Variants in MIA2 observed in about 807,000 individuals in gnomAD.
MIA2 encodes the protein MIA SH3 domain ER export factor 2, also known as melanoma inhibitory activity protein 2.
In MIA2, 127 loss-of-function variants were observed where a neutral mutation model predicts 167.8. The ratio of observed to expected loss-of-function variants is 0.76; its 90% CI spans 0.66 to 0.88. The LOEUF is 0.88. MIA2 is among the 40% of genes least tolerant of loss of function. MIA2 has a pLI of 0.00. For synonymous variants in MIA2, 552 were observed against 541.9 expected (o/e 1.02, Z -0.26); for missense variants, 1,690 against 1,624.7 (o/e 1.04, Z -0.69).
intron 6 of MIA2, among the ~76,000 whole-genome samples, chr14:39,261,870 T>A (rs891019153): frequency 8.5e-5 from 13 of 152,160 alleles, no homozygotes; most frequent in African/African-American, 2.9e-4. Context: ...GTTTGAGTTC[T>A]TTGTAGACTC....
intron 6 of MIA2, among the ~76,000 whole-genome samples, chr14:39,258,912 G>C (rs1005959803): frequency 2.6e-5 from 4 of 152,330 alleles, no homozygotes; most frequent in East Asian, 3.9e-4. Context: ...ACCAGTGGAG[G>C]CTGCACAACA....
chr14:39,278,733 TA>T (rs1246924709), intron 7 of MIA2, among the ~76,000 whole-genome samples: 1 of 152,188 alleles, frequency 6.6e-6, no homozygotes, highest in Non-Finnish European at 1.5e-5. Context: ...TTCTTGAAAT[TA>T]TTTTTTTAGG....
In MIA2 at chr14:39,347,886, A is replaced by G. The variant is rs149872453; in HGVS notation, c.3837+115A>G. 8.0e-4 allele frequency: 774 copies of G among 962,446 alleles called. 5 individuals are homozygous for G. The African/African-American group carries it at 0.014, about 18-fold the overall frequency. 59.6% of individuals were successfully genotyped at this position (962,446 alleles called of 1,614,324 possible). The stretch of plus-strand genomic sequence containing the variant: ...GCCCAAGCTGGAGTGCAGTGGCGCT[A>G]TCTCGGCTCACTGCAACCTGGGTTC... On this transcript the variant is annotated intron_variant, in intron 27 of 28. Coordinates refer to ENST00000640607, the MANE Select transcript of MIA2 (RefSeq NM_001329214.4).
chr14:39,343,567 A>G (rs777478482), intron 25 of MIA2, among the ~76,000 whole-genome samples: 1 of 152,216 alleles, frequency 6.6e-6, no homozygotes, highest in Admixed American at 6.5e-5. Flanking sequence ...TAGAATGCCC[A>G]GTACACTTAT....
chr14:39,368,201 G>C (rs765151058), intron 23 of MIA2, among the ~76,000 whole-genome samples: 2 of 152,146 alleles, frequency 1.3e-5, no homozygotes, highest in African/African-American at 2.4e-5. Flanking sequence ...ATTAAGGGGC[G>C]AGAGAGCAAA....
intron 12 of MIA2, 123 bp from the exon 13 acceptor site, chr14:39,294,802 C>CGT: frequency 1.4e-6 from 1 of 694,408 alleles, no homozygotes; most frequent in African/African-American, 1.8e-5. Context: ...CACCATGCTG[C>CGT]CTCTGCTGTT....
chr14:39,310,776 T>G (rs2064107367), intron 18 of MIA2, among the ~76,000 whole-genome samples: 1 of 152,216 alleles, frequency 6.6e-6, no homozygotes, highest in East Asian at 1.9e-4. Context: ...TGTACTTCAG[T>G]CATGATTTGG....
chr14:39,253,013 A>T lies in MIA2; in HGVS notation c.1786+47A>T, dbSNP rs78417461. The T allele has an allele frequency of 9.4e-5, 146 of 1,561,016 alleles. 1 individual carries two copies. The African/African-American group carries it at 1.8e-3, about 19-fold the overall frequency. On this transcript the variant is annotated intron_variant, in intron 5 of 28. Transcript: ENST00000640607. ...CTCTAATGCATCAATTAAGGAAGAA[A>T]TTAGAATCAGAAGTTATATAATATC...
intron 6 of MIA2, among the ~76,000 whole-genome samples, chr14:39,268,437 T>C (rs964826552): frequency 6.8e-6 from 1 of 148,054 alleles, no homozygotes; most frequent in Non-Finnish European, 1.5e-5. Flanking sequence ...TCATGTTGTC[T>C]GTTAAGAGAG....
chr14:39,314,629 T>TTC (rs1555390194), intron 19 of MIA2, 110 bp from the exon 20 acceptor site: 4 of 487,292 alleles, frequency 8.2e-6, no homozygotes, highest in African/African-American at 4.2e-5. Context: ...TTTTTTTTTT[T>TTC]CATGAAGTAG....
intron 6 of MIA2, among the ~76,000 whole-genome samples, chr14:39,258,664 A>G (rs1256166805): frequency 3.3e-5 from 5 of 152,158 alleles, no homozygotes; most frequent in Non-Finnish European, 7.3e-5. Context: ...GAGAAGAGGC[A>G]TTCTGGTTTT....
intron 17 of MIA2, among the ~76,000 whole-genome samples, chr14:39,307,742 A>G (rs933266564): frequency 6.6e-6 from 1 of 152,058 alleles, no homozygotes; most frequent in African/African-American, 2.4e-5. Flanking sequence ...TCAGATATTA[A>G]TGCACTCAAT....
intron 25 of MIA2, among the ~76,000 whole-genome samples, chr14:39,335,785 C>T (rs1292434107): frequency 6.6e-6 from 1 of 152,120 alleles, no homozygotes; most frequent in Non-Finnish European, 1.5e-5. Flanking sequence ...CTGGTAGTCC[C>T]CAGTGTCTCT....
intron 7 of MIA2, among the ~76,000 whole-genome samples, chr14:39,278,498 G>T (rs1225786727): frequency 6.6e-6 from 1 of 152,158 alleles, no homozygotes; most frequent in Non-Finnish European, 1.5e-5. Flanking sequence ...TTCTGTAGAT[G>T]ATTGAAGTCC....
chr14:39,292,159 C>T (rs373433373), intron 10 of MIA2, among the ~76,000 whole-genome samples: 3 of 152,108 alleles, frequency 2.0e-5, no homozygotes, highest in African/African-American at 7.2e-5. Context: ...TTTGCTAACC[C>T]TCTGTCTTAA....
At chr14:39,299,736 C>A in intron 13 of MIA2, 128 bp from the exon 14 acceptor site, 1 of 843,488 alleles carries the variant, frequency 1.2e-6, no homozygotes, top group East Asian at 2.8e-5. Flanking sequence ...TTACACTACC[C>A]CATTTTGAAA....
chr14:39,385,298 A>AT, intron 23 of MIA2: 1 of 676,278 alleles, frequency 1.5e-6, no homozygotes, highest in East Asian at 2.5e-5. Context: ...ATAACAAAAA[A>AT]ATCCACACAA....
intron 12 of MIA2, 143 bp downstream of exon 12, chr14:39,294,214 A>G: frequency 1.8e-6 from 1 of 560,036 alleles, no homozygotes; most frequent in Non-Finnish European, 3.1e-6. Flanking sequence ...AACAATACCT[A>G]AATGAATTAG....
Position 39,294,068 on chromosome 14 carries a change from T to G in MIA2, c.2388T>G (p.Ala796=). ...DESKSLKSQV[A]EAKMTFKIFQ... ...CAAAATCCCTCAAATCACAAGTAGC[T>G]GAAGTAAGTTGAATTAGTCTAGTAG... The change falls in exon 12 of 29, where the codon GCT becomes GCG. Residue 796 remains alanine, a synonymous_variant. Transcript: ENST00000640607. 6.2e-7 allele frequency: 1 copy of G among 1,603,352 alleles called. No individual in the cohort carries two copies. Among genetic ancestry groups the G allele is most frequent in the Non-Finnish European group, 8.5e-7 (1 of 1,172,502 alleles).
Sources: gnomAD v4.1 joint callset for allele counts (sites outside exome capture counted in the v4.1 genomes callset) on GRCh38, gnomAD v4.1.1 for gene constraint, MANE v1.5 for transcripts, NCBI Gene and HGNC (gene_info 2026-07-23, HGNC 2026-07-21) for gene names.